The following ARHGAP10 variants were observed in gnomAD, a reference collection of about 807,000 sequenced individuals.
ARHGAP10 encodes the protein Rho GTPase activating protein 10.
ARHGAP10 carries 87 observed loss-of-function variants against 108.6 expected under a neutral mutation model. The observed-to-expected ratio is 0.80, with a 90% CI of 0.67 to 0.96. The LOEUF is 0.96. ARHGAP10 is among the 40% of genes least tolerant of loss of function. The pLI, the probability that ARHGAP10 is intolerant of heterozygous loss-of-function variation, is 0.00. For missense variants in ARHGAP10, 939 were observed against 954.5 expected, an observed-to-expected ratio of 0.98 and a Z score of 0.21; for synonymous variants, 347 against 341.1, an observed-to-expected ratio of 1.02 and a Z score of -0.19.
chr4:147,837,023 C>G (rs1373411855), intron 3 of ARHGAP10, among the ~76,000 whole-genome samples: 2 of 152,104 alleles, frequency 1.3e-5, no homozygotes, highest in Non-Finnish European at 2.9e-5. Flanking sequence ...GTAGCGAAAT[C>G]GATTGTGAAA....
chr4:148,049,163 T>G (rs548294416), intron 20 of ARHGAP10, among the ~76,000 whole-genome samples: 137 of 152,270 alleles, frequency 9.0e-4, no homozygotes, highest in Non-Finnish European at 1.7e-3. Flanking sequence ...TGAGTGCCTC[T>G]TGGACTTGAG....
chr4:147,935,621 A>G (rs1737895819), intron 13 of ARHGAP10, among the ~76,000 whole-genome samples: 1 of 152,224 alleles, frequency 6.6e-6, no homozygotes, highest in African/African-American at 2.4e-5. Flanking sequence ...TAAACTCACT[A>G]ATATGCCTTG....
chr4:147,775,115 A>ATG (rs1430088772), intron 1 of ARHGAP10, among the ~76,000 whole-genome samples: 1 of 152,004 alleles, frequency 6.6e-6, no homozygotes, highest in Non-Finnish European at 1.5e-5. Flanking sequence ...GGGTTTCACC[A>ATG]TGTTGGCCAG....
intron 20 of ARHGAP10, among the ~76,000 whole-genome samples, chr4:148,059,754 G>C (rs536418656): frequency 6.6e-6 from 1 of 152,100 alleles, no homozygotes; most frequent in Middle Eastern, 3.2e-3. Context: ...GCCTACCATC[G>C]TTTCCGGGAT....
chr4:148,036,906 C>G (rs1055882663), intron 19 of ARHGAP10, among the ~76,000 whole-genome samples: 1 of 152,086 alleles, frequency 6.6e-6, no homozygotes, highest in Admixed American at 6.6e-5. Flanking sequence ...ACATTTTGGT[C>G]CAGCCAAGCA....
chr4:147,836,903 A>C (rs937089755), intron 3 of ARHGAP10, among the ~76,000 whole-genome samples: 3 of 152,136 alleles, frequency 2.0e-5, no homozygotes, highest in African/African-American at 7.2e-5. Context: ...GAGAATATTC[A>C]GGTAACAAAA....
chr4:147,953,538 A>G (rs1045672936), intron 15 of ARHGAP10, among the ~76,000 whole-genome samples: 1 of 152,002 alleles, frequency 6.6e-6, no homozygotes, highest in Non-Finnish European at 1.5e-5. Context: ...ATTTATGGGC[A>G]TAAAATTGCT....
intron 1 of ARHGAP10, among the ~76,000 whole-genome samples, chr4:147,746,849 G>A (rs1434708024): frequency 6.6e-6 from 1 of 152,054 alleles, no homozygotes; most frequent in Admixed American, 6.5e-5. Flanking sequence ...GTCAACTGAT[G>A]GATTTATTTT....
rs1732558008 is a variant in ARHGAP10 at position 147,822,757 on chromosome 4, A to G, written c.185A>G (p.His62Arg). ...SLSVAQRKFAHSLRDFKFEFI... is the reference protein window; with the variant it reads ...SLSVAQRKFARSLRDFKFEFI... The stretch of plus-strand genomic sequence containing the variant: ...TCAGTGGCCCAGCGGAAGTTTGCTC[A>G]TTCACTCAGAGACTTTAAGTTTGAG... The change falls in exon 2 of 23, where the codon CAT (histidine) becomes CGT (arginine). Residue 62 changes from histidine (H) to arginine (R), a missense_variant. By Grantham distance (29) the His-to-Arg change is conservative (BLOSUM62 0). Transcript: ENST00000336498. 2 of 1,614,224 alleles carry G rather than the reference A, an allele frequency of 1.2e-6. No individual in the cohort carries two copies. Among genetic ancestry groups the G allele is most frequent in the Non-Finnish European group, 1.7e-6 (2 of 1,180,030 alleles).
Position 147,955,389 on chromosome 4 carries a change from A to G in ARHGAP10, c.1450+15A>G. 4 of 1,604,942 alleles carry G rather than the reference A, an allele frequency of 2.5e-6. No homozygotes were observed. The highest frequency in any genetic ancestry group is 3.4e-6 in the Non-Finnish European group (4 of 1,172,980). On this transcript the variant is annotated intron_variant, in intron 16 of 22. Coordinates refer to ENST00000336498, the MANE Select transcript of ARHGAP10 (RefSeq NM_024605.4). ...TGTTCCAGCCAGTAAGTATTATGTA[A>G]AGGTATATAGGAACAGTTTTGTAGT...
chr4:147,953,561 T>G lies in ARHGAP10; in HGVS notation c.1392-1755T>G, dbSNP rs140093829. 2.6e-3 allele frequency among the ~76,000 whole-genome samples: 398 copies of G among 152,028 alleles called. 2 individuals are homozygous for G. The highest frequency in any genetic ancestry group is 9.2e-3 in the African/African-American group (384 of 41,544). ...GCATAAAATTGCTCATAGTATTTCT[T>G]TATTTTATTTTTAATATCTTTAGAA... On this transcript the variant is annotated intron_variant, in intron 15 of 22. Coordinates refer to ENST00000336498, the MANE Select transcript of ARHGAP10 (RefSeq NM_024605.4).
intron 15 of ARHGAP10, among the ~76,000 whole-genome samples, chr4:147,955,056 TC>T (rs1297046079): frequency 1.3e-5 from 2 of 152,096 alleles, no homozygotes; most frequent in Non-Finnish European, 2.9e-5. Context: ...AAAGCTACTT[TC>T]CGTGATTAGA....
At chr4:148,003,367 G>A (rs1385236010) in intron 18 of ARHGAP10, among the ~76,000 whole-genome samples, 1 of 152,196 alleles carries the variant, frequency 6.6e-6, no homozygotes, top group Non-Finnish European at 1.5e-5. Flanking sequence ...AGTGTGATGT[G>A]GTGCTGAGAA....
At chr4:147,872,360 G>A (rs1734862561) in intron 7 of ARHGAP10, among the ~76,000 whole-genome samples, 2 of 152,166 alleles carry the variant, frequency 1.3e-5, no homozygotes, top group African/African-American at 2.4e-5. Context: ...AAATTTGGAA[G>A]GAGAGAGGCT....
At chr4:147,906,387 G>A (rs185559751) in intron 10 of ARHGAP10, among the ~76,000 whole-genome samples, 58 of 152,276 alleles carry the variant, frequency 3.8e-4, no homozygotes, top group Admixed American at 2.0e-3. Flanking sequence ...TGTTCAACAG[G>A]TACAGAGTTT....
chr4:147,854,425 T>C (rs1734007924), intron 4 of ARHGAP10, among the ~76,000 whole-genome samples: 3 of 152,208 alleles, frequency 2.0e-5, no homozygotes, highest in South Asian at 2.1e-4. Flanking sequence ...CCACTCCTGA[T>C]TGCATTTCTC....
rs769917026 is a variant in ARHGAP10 at position 147,769,198 on chromosome 4, A to G, written c.154+36743A>G. ...CTCACTATACATAGCAGTTCTGGTC[A>G]TTAGTGAAATTACTCAGTAAATGTT... On this transcript the variant is annotated intron_variant, in intron 1 of 22. Transcript: ENST00000336498. 1.2e-4 allele frequency among the ~76,000 whole-genome samples: 19 copies of G among 152,322 alleles called. No homozygotes were observed. In the Middle Eastern group the frequency reaches 0.027, roughly 218 times the overall value.
intron 19 of ARHGAP10, among the ~76,000 whole-genome samples, chr4:148,045,680 G>T (rs1265434711): frequency 6.7e-6 from 1 of 150,142 alleles, no homozygotes; most frequent in Admixed American, 6.6e-5. Context: ...GGAGCTTGCG[G>T]TGAGCCGAGA....
At chr4:147,867,804 C>T (rs1734627867) in intron 7 of ARHGAP10, among the ~76,000 whole-genome samples, 1 of 137,224 alleles carries the variant, frequency 7.3e-6, no homozygotes, top group South Asian at 2.3e-4. Context: ...GTGGAGGTTG[C>T]AGTGATCCGA....
Sources: gnomAD v4.1 joint callset for allele counts (sites outside exome capture counted in the v4.1 genomes callset) on GRCh38, gnomAD v4.1.1 for gene constraint, MANE v1.5 for transcripts, NCBI Gene and HGNC (gene_info 2026-07-23, HGNC 2026-07-21) for gene names.